Variants in LARP4B observed in about 807,000 individuals in gnomAD.
LARP4B encodes La ribonucleoprotein 4B, also known as la-related protein 4B.
LARP4B carries 12 observed loss-of-function variants against 89.8 expected under a neutral mutation model. The ratio of observed to expected loss-of-function variants is 0.13; its 90% confidence interval spans 0.09 to 0.22. LARP4B has a LOEUF of 0.22. Among genes scored for constraint, LARP4B ranks in the 10% least tolerant of loss-of-function variants. The probability of loss-of-function intolerance (pLI) is 1.00; values close to 1 mark genes in which losing one functional copy is unlikely to be tolerated. For synonymous variants in LARP4B, 367 were observed against 363.3 expected, an observed-to-expected ratio of 1.01 and a Z score of -0.12; for missense variants, 757 against 947.7, an observed-to-expected ratio of 0.80 and a Z score of 2.64.
intron 13 of LARP4B, among the ~76,000 whole-genome samples, chr10:821,369 G>A (rs1463203321): frequency 6.6e-6 from 1 of 152,114 alleles, no homozygotes; most frequent in Non-Finnish European, 1.5e-5. Flanking sequence ...AAGGACCTCT[G>A]TGCCCCAAAG....
At chr10:835,654 A>T (rs1351747719) in intron 8 of LARP4B, among the ~76,000 whole-genome samples, 1 of 152,212 alleles carries the variant, frequency 6.6e-6, no homozygotes, top group Non-Finnish European at 1.5e-5. Flanking sequence ...ATGGCTTTTC[A>T]TTACTTTTAA....
chr10:858,684 T>TA, intron 5 of LARP4B, among the ~76,000 whole-genome samples: 1 of 152,322 alleles, frequency 6.6e-6, no homozygotes, highest in South Asian at 2.1e-4. Flanking sequence ...TGAGAACTCC[T>TA]AAAGACATTA....
rs548822490 is a variant in LARP4B, at chr10:897,714, G to A, written c.-39-11954C>T. Among the ~76,000 whole-genome samples, 31 of 152,070 alleles carry A rather than the reference G, an allele frequency of 2.0e-4. No individual in the cohort carries two copies. The South Asian group carries it at 5.8e-3, about 29-fold the overall frequency. On this transcript the variant is annotated intron_variant, in intron 1 of 17. Transcript: ENST00000316157. ...AAAAATTGGCAAATGAGAGCCCAGCGCAGTGGCTCACATCTGTAATCCCAG... is the reference window on the plus strand; with the variant it reads ...AAAAATTGGCAAATGAGAGCCCAGCACAGTGGCTCACATCTGTAATCCCAG...
At chr10:910,921 C>T (rs1430279988) in intron 1 of LARP4B, among the ~76,000 whole-genome samples, 7 of 152,324 alleles carry the variant, frequency 4.6e-5, no homozygotes, top group East Asian at 1.9e-4. Context: ...TGAGCACTCC[C>T]GTCCCCTGGC....
rs75466323 is a variant in LARP4B, at chr10:890,631, C to A, written c.-39-4871G>T. ...GAACATCTGGACTGAGATTCTAGGT[C>A]CTTGGTTCTCAGGCCTCGGATGCAA... On this transcript the variant is annotated intron_variant, in intron 1 of 17. Transcript: ENST00000316157. 6.6e-3 allele frequency among the ~76,000 whole-genome samples: 997 copies of A among 152,192 alleles called. 14 individuals are homozygous for A. The highest frequency in any genetic ancestry group is 0.023 in the African/African-American group (937 of 41,530).
chr10:817,979 G>A (rs1832152554), intron 14 of LARP4B, 90 bp from the exon 15 acceptor site: 1 of 1,284,884 alleles, frequency 7.8e-7, no homozygotes, highest in Non-Finnish European at 1.1e-6. Context: ...AATATCTGTA[G>A]AAACAAGCAG....
chr10:920,765 C>A (rs1260125522), intron 1 of LARP4B, among the ~76,000 whole-genome samples: 1 of 151,786 alleles, frequency 6.6e-6, no homozygotes, highest in Non-Finnish European at 1.5e-5. Context: ...AAGTGAGACT[C>A]TGTCTCAAAA....
At chr10:904,287 C>G (rs1037861305) in intron 1 of LARP4B, among the ~76,000 whole-genome samples, 3 of 152,164 alleles carry the variant, frequency 2.0e-5, no homozygotes, top group African/African-American at 7.2e-5. Context: ...GGTGCAGTGG[C>G]TCACACCTGT....
At chr10:895,831 A>T (rs1333323754) in intron 1 of LARP4B, among the ~76,000 whole-genome samples, 1 of 152,210 alleles carries the variant, frequency 6.6e-6, no homozygotes, top group Non-Finnish European at 1.5e-5. Flanking sequence ...TAAGTACGTA[A>T]AAACAAGAAA....
chr10:937,128 G>A, the LARP4B span, among the ~76,000 whole-genome samples: 1 of 152,026 alleles, frequency 6.6e-6, no homozygotes, highest in East Asian at 1.9e-4. Context: ...CTGCAGTCTC[G>A]ACCTCCTGGG....
chr10:859,767 AC>A (rs1834497382), intron 5 of LARP4B, among the ~76,000 whole-genome samples: 1 of 152,088 alleles, frequency 6.6e-6, no homozygotes, highest in Admixed American at 6.5e-5. Flanking sequence ...AATGAAAGAA[AC>A]CTATCTAAGA....
At chr10:908,131 C>T (rs929784653) in intron 1 of LARP4B, among the ~76,000 whole-genome samples, 8 of 152,262 alleles carry the variant, frequency 5.3e-5, no homozygotes, top group African/African-American at 1.2e-4. Flanking sequence ...CACTTGAACA[C>T]GTGAGGTGGA....
intron 1 of LARP4B, among the ~76,000 whole-genome samples, chr10:888,836 C>T (rs1159941978): frequency 1.3e-5 from 2 of 152,146 alleles, no homozygotes; most frequent in Admixed American, 6.5e-5. Flanking sequence ...CCTATAATCC[C>T]GCACTTTGGG....
At chr10:832,123 A>C (rs1245290189) in intron 8 of LARP4B, among the ~76,000 whole-genome samples, 1 of 152,156 alleles carries the variant, frequency 6.6e-6, no homozygotes, top group East Asian at 1.9e-4. Flanking sequence ...GGCTCACTGC[A>C]AGCTCTGCCT....
At chr10:899,043 T>A (rs1295248202) in intron 1 of LARP4B, among the ~76,000 whole-genome samples, 1 of 152,214 alleles carries the variant, frequency 6.6e-6, no homozygotes, top group East Asian at 1.9e-4. Flanking sequence ...ACAGTAATAT[T>A]CACTGCACCA....
chr10:955,306 C>T, the LARP4B span, among the ~76,000 whole-genome samples: 1 of 152,250 alleles, frequency 6.6e-6, no homozygotes, highest in Non-Finnish European at 1.5e-5. The surrounding 1 kb of genome is among the most constrained non-coding windows in gnomAD (Gnocchi z 5.2). Flanking sequence ...CCAGCCAGGA[C>T]TGCAGCCCGT....
chr10:882,388 C>A (rs1054985734), intron 3 of LARP4B, among the ~76,000 whole-genome samples: 1 of 150,982 alleles, frequency 6.6e-6, no homozygotes, highest in African/African-American at 2.4e-5. Context: ...AATAGGGAAA[C>A]CATTTTTTTT....
chr10:824,900 AG>A (rs1169279536), intron 13 of LARP4B, among the ~76,000 whole-genome samples, 164 bp downstream of exon 13: 2 of 152,276 alleles, frequency 1.3e-5, no homozygotes, highest in Non-Finnish European at 2.9e-5. Context: ...ATTCCAAAAA[AG>A]ATGAAGCCAT....
At chr10:970,004 G>C in the LARP4B span, among the ~76,000 whole-genome samples, 11 of 152,216 alleles carry the variant, frequency 7.2e-5, no homozygotes, top group African/African-American at 2.7e-4. Context: ...AGGTCCCTGG[G>C]TGCTAGGCTC....
Sources: gnomAD v4.1 joint callset for allele counts (sites outside exome capture counted in the v4.1 genomes callset) on GRCh38, gnomAD v4.1.1 for gene constraint, Gnocchi (gnomAD v3.1) non-coding constraint, MANE v1.5 for transcripts, NCBI Gene and HGNC (gene_info 2026-07-23, HGNC 2026-07-21) for gene names.